TRHDE: variants seen among roughly 807,000 people sequenced by gnomAD.
TRHDE encodes thyrotropin releasing hormone degrading enzyme, also known as thyrotropin-releasing hormone-degrading ectoenzyme.
Under a neutral mutation model 125.7 loss-of-function variants are expected in TRHDE, and 72 were observed. The ratio of observed to expected loss-of-function variants is 0.57; its 90% confidence interval spans 0.47 to 0.70. TRHDE has a LOEUF of 0.70. Among genes scored for constraint, TRHDE ranks in the 30% least tolerant of loss-of-function variants. The pLI is 0.00. For missense variants in TRHDE, 1,110 were observed against 1,327.1 expected, an observed-to-expected ratio of 0.84 and a Z score of 2.54; for synonymous variants, 509 against 509.1, an observed-to-expected ratio of 1.00 and a Z score of 0.00.
In TRHDE at chr12:72,405,881, A is replaced by G. The variant is rs148183555; in HGVS notation, c.1315+27760A>G. 1.7e-3 allele frequency among the ~76,000 whole-genome samples: 261 copies of G among 152,344 alleles called. 1 individual carries two copies. The highest frequency in any genetic ancestry group is 3.4e-3 in the Middle Eastern group (1 of 294). ...GTCAGTATCCCTGTCTTCAATTCAT[A>G]TCACTATTACCTTTGCACAAACCTT... On this transcript the variant is annotated intron_variant, in intron 3 of 18. Coordinates refer to ENST00000261180, the MANE Select transcript of TRHDE (RefSeq NM_013381.3).
intron 2 of TRHDE, among the ~76,000 whole-genome samples, chr12:72,178,887 A>G (rs2139340141): frequency 6.6e-6 from 1 of 152,236 alleles, no homozygotes; most frequent in South Asian, 2.1e-4. Context: ...TTTAAAATAA[A>G]CAAAAGAAAT....
At chr12:72,167,648 A>G (rs1356603344) in intron 2 of TRHDE, 1 of 152,216 alleles carries the variant, frequency 6.6e-6, no homozygotes, top group Non-Finnish European at 1.5e-5. Context: ...CTCATTTATG[A>G]CAGCATGTAA....
In TRHDE at chr12:72,562,978, C is replaced by T; in HGVS notation, c.1980C>T (p.Thr660=). The T allele has an allele frequency of 6.2e-7, 1 of 1,609,942 alleles. No homozygotes were observed. Among genetic ancestry groups the T allele is most frequent in the Non-Finnish European group, 8.5e-7 (1 of 1,178,224 alleles). Reference sequence around the variant, plus strand: ...CAGCAGAAAATAGAATAATAATTACCCAACAGCATTTTATCTATGATATCA... The same window carrying T: ...CAGCAGAAAATAGAATAATAATTACTCAACAGCATTTTATCTATGATATCA... The part of the protein sequence containing the change: ...NTTAENRIII[T]QQHFIYDISA... The change falls in exon 9 of 19, where the codon ACC becomes ACT. Residue 660 remains threonine, a synonymous_variant. Transcript: ENST00000261180.
In TRHDE at chr12:72,250,251, AACTTAT is replaced by A. The variant is rs199612582; in HGVS notation, n.280-127738_280-127733del. Among the ~76,000 whole-genome samples the A allele has an allele frequency of 6.0e-3, 921 of 152,292 alleles. 13 individuals carry two copies. The highest frequency in any genetic ancestry group is 0.018 in the African/African-American group (762 of 41,570). ...GAATTCATTTGTCAACATGGCATTAAACTTATACTTAAAATGAGTGTTTTTTATTGC... is the reference window on the plus strand; with the variant it reads ...GAATTCATTTGTCAACATGGCATTAAACTTAAAATGAGTGTTTTTTATTGC... On this transcript the variant is annotated intron_variant and non_coding_transcript_variant, in intron 2 of 4. Transcript: ENST00000548156.
chr12:72,538,479 A>G (rs1868979921), intron 6 of TRHDE, among the ~76,000 whole-genome samples: 1 of 152,018 alleles, frequency 6.6e-6, no homozygotes, highest in Non-Finnish European at 1.5e-5. Flanking sequence ...AGAATAAACA[A>G]ATAGAAAACA....
At chr12:72,635,382 A>G (rs1873693001) in intron 15 of TRHDE, among the ~76,000 whole-genome samples, 1 of 151,662 alleles carries the variant, frequency 6.6e-6, no homozygotes, top group South Asian at 2.1e-4. Flanking sequence ...GTTTGAGTTC[A>G]TTGTAGATTC....
chr12:72,637,714 T>C lies in TRHDE; in HGVS notation c.2676-14608T>C, dbSNP rs573590101. 2.4e-3 allele frequency among the ~76,000 whole-genome samples: 360 copies of C among 152,294 alleles called. 3 individuals are homozygous for C. Among genetic ancestry groups the C allele is most frequent in the African/African-American group, 8.3e-3 (343 of 41,554 alleles). On this transcript the variant is annotated intron_variant, in intron 15 of 18. Transcript: ENST00000261180. ...TTCTGGTATGTTGTGTCTTTGTTCT[T>C]GTTGGTTTCAAAGAACACCTTTATT...
intron 3 of TRHDE, among the ~76,000 whole-genome samples, chr12:72,442,264 G>C (rs1485567139): frequency 6.6e-6 from 1 of 151,808 alleles, no homozygotes; most frequent in Non-Finnish European, 1.5e-5. Context: ...GAGCCTCATC[G>C]ATGTGTGATA....
Position 72,524,114 on chromosome 12 carries a change from A to G in TRHDE, c.1723-18177A>G, listed in dbSNP as rs180949541. On this transcript the variant is annotated intron_variant, in intron 6 of 18. Coordinates refer to ENST00000261180, the MANE Select transcript of TRHDE (RefSeq NM_013381.3). The stretch of plus-strand genomic sequence containing the variant: ...TTTTGGAAGAAAAGCAAAGAAAGAA[A>G]TCATCCATTTCTCAATGATATACAT... 2.5e-4 allele frequency among the ~76,000 whole-genome samples: 38 copies of G among 152,270 alleles called. 1 individual carries two copies. In the East Asian group the frequency reaches 7.2e-3, roughly 29 times the overall value.
intron 5 of TRHDE, among the ~76,000 whole-genome samples, chr12:72,491,370 G>T (rs73346575): frequency 1.3e-5 from 2 of 151,876 alleles, no homozygotes; most frequent in Non-Finnish European, 2.9e-5. Flanking sequence ...CAAGACCCAG[G>T]ATTATCATAA....
chr12:72,208,464 T>C (rs1305199189), intron 2 of TRHDE, among the ~76,000 whole-genome samples: 1 of 152,084 alleles, frequency 6.6e-6, no homozygotes, highest in African/African-American at 2.4e-5. Context: ...GAGTATAAAA[T>C]AGGAAGAGAT....
At chr12:72,184,755 G>A (rs1325173952) in intron 2 of TRHDE, among the ~76,000 whole-genome samples, 1 of 152,144 alleles carries the variant, frequency 6.6e-6, no homozygotes, top group Non-Finnish European at 1.5e-5. Context: ...TGGAGGTGAA[G>A]GGTATGGCTT....
chr12:72,145,872 C>G (rs1003621213), intron 2 of TRHDE, among the ~76,000 whole-genome samples: 1 of 152,112 alleles, frequency 6.6e-6, no homozygotes, highest in African/African-American at 2.4e-5. Flanking sequence ...CATGATAAAA[C>G]ATGATTTTTA....
chr12:72,211,033 TC>T (rs1565663532), intron 2 of TRHDE, among the ~76,000 whole-genome samples: 1 of 152,208 alleles, frequency 6.6e-6, no homozygotes, highest in Admixed American at 6.5e-5. Flanking sequence ...TCGACCACCC[TC>T]CTAGACCTGA....
chr12:72,135,142 G>A (rs1007121698), intron 2 of TRHDE, among the ~76,000 whole-genome samples: 1 of 152,196 alleles, frequency 6.6e-6, no homozygotes, highest in African/African-American at 2.4e-5. Context: ...GGCTTGTGGG[G>A]TTTTGGACTC....
At chr12:72,310,922 T>C (rs1402479537) in intron 2 of TRHDE, among the ~76,000 whole-genome samples, 3 of 152,184 alleles carry the variant, frequency 2.0e-5, no homozygotes, top group African/African-American at 7.2e-5. Flanking sequence ...TCATGGAGTA[T>C]TATTGGAGAA....
intron 2 of TRHDE, among the ~76,000 whole-genome samples, chr12:72,258,884 G>A (rs1466454053): frequency 6.6e-6 from 1 of 152,108 alleles, no homozygotes; most frequent in Non-Finnish European, 1.5e-5. Flanking sequence ...TTAGAGAAGT[G>A]ATGTTGTGTT....
At chr12:72,454,025 T>G (rs1368650864) in intron 3 of TRHDE, among the ~76,000 whole-genome samples, 1 of 152,202 alleles carries the variant, frequency 6.6e-6, no homozygotes, top group East Asian at 1.9e-4. Context: ...TACCAGATAT[T>G]TTTGAGTACA....
intron 2 of TRHDE, among the ~76,000 whole-genome samples, chr12:72,316,928 A>G (rs1467331053): frequency 6.6e-6 from 1 of 152,180 alleles, no homozygotes; most frequent in Non-Finnish European, 1.5e-5. Flanking sequence ...GAGAAAGTAG[A>G]ATAGAGTAAT....
Sources: allele counts gnomAD v4.1 joint callset (sites outside exome capture counted in the v4.1 genomes callset), GRCh38; gene constraint gnomAD v4.1.1; transcripts MANE v1.5; gene names NCBI Gene and HGNC (gene_info 2026-07-23, HGNC 2026-07-21).